Variants in RNF130 observed in about 807,000 individuals in gnomAD.
The protein encoded by RNF130 is ring finger protein 130.
In RNF130, 21 loss-of-function variants were observed where a neutral mutation model predicts 44.6. That is an observed-to-expected ratio of 0.47 (90% CI 0.33 to 0.68). RNF130 has a LOEUF of 0.68. RNF130 is among the 30% of genes least tolerant of loss of function. RNF130 has a pLI of 0.02. For missense variants in RNF130, 479 were observed against 560.6 expected, an observed-to-expected ratio of 0.85 and a Z score of 1.47; for synonymous variants, 214 against 210.4, an observed-to-expected ratio of 1.02 and a Z score of -0.15.
rs1762285245 is a variant in RNF130, at chr5:179,959,702, T to G, written c.1244+3769A>C. Reference sequence around the variant, plus strand: ...AAATAGAAACATCATTCTTTTTGTATAAATAAAGGAGTTTATATATATAAA... The same window carrying G: ...AAATAGAAACATCATTCTTTTTGTAGAAATAAAGGAGTTTATATATATAAA... On this transcript the variant is annotated intron_variant, in intron 8 of 8. Coordinates refer to ENST00000521389, the MANE Select transcript of RNF130 (RefSeq NM_018434.6). Among the ~76,000 whole-genome samples the G allele has an allele frequency of 2.0e-5, 3 of 152,096 alleles. No homozygotes were observed. The South Asian group carries it at 6.2e-4, about 32-fold the overall frequency.
intron 5 of RNF130, among the ~76,000 whole-genome samples, chr5:179,972,363 C>T (rs934948575): frequency 1.6e-4 from 25 of 152,198 alleles, no homozygotes; most frequent in African/African-American, 4.8e-4. Context: ...CGGACCTATG[C>T]ACTGGGTTAG....
rs1582162107 is a variant in RNF130 at position 179,983,171 on chromosome 5, A to C, written c.694-2971T>G. On this transcript the variant is annotated intron_variant, in intron 3 of 8. Transcript: ENST00000521389. ...TTTAATTTGATGAAGTCGATTAATC[A>C]TTTTTTCATTGGTAGACTGTGCTCT... Among the ~76,000 whole-genome samples the C allele has an allele frequency of 2.0e-5, 3 of 152,156 alleles. No individual in the cohort carries two copies. In the Middle Eastern group the frequency reaches 0.01, roughly 518 times the overall value.
intron 3 of RNF130, among the ~76,000 whole-genome samples, chr5:179,985,707 T>G (rs864138): frequency 0.64 from 97,730 of 151,978 alleles, 32,567 homozygotes; most frequent in African/African-American, 0.84. Context: ...TCCAGGCTGG[T>G]GTTTAGTAGC....
At chr5:180,025,982 T>C (rs1763975721) in intron 2 of RNF130, among the ~76,000 whole-genome samples, 1 of 152,184 alleles carries the variant, frequency 6.6e-6, no homozygotes, top group Admixed American at 6.5e-5. Flanking sequence ...GTATTCACAG[T>C]GAATTTTCTA....
At chr5:180,058,415 G>C (rs1764888049) in intron 1 of RNF130, among the ~76,000 whole-genome samples, 1 of 152,226 alleles carries the variant, frequency 6.6e-6, no homozygotes, top group Non-Finnish European at 1.5e-5. Flanking sequence ...AGATGAACCT[G>C]AGGACATATG....
At chr5:179,992,364 G>C (rs751116438) in intron 3 of RNF130, among the ~76,000 whole-genome samples, 7 of 152,022 alleles carry the variant, frequency 4.6e-5, no homozygotes, top group Admixed American at 3.9e-4. Context: ...GATGAGTCTC[G>C]ATCTCCTGAC....
At chr5:180,054,946 AACT>A (rs1362105827) in intron 1 of RNF130, among the ~76,000 whole-genome samples, 3 of 152,202 alleles carry the variant, frequency 2.0e-5, no homozygotes, top group African/African-American at 7.2e-5. Context: ...TGGCATATAG[AACT>A]ACAACTGACT....
rs578050199 is a variant in RNF130, at chr5:180,025,640, T to TA, written c.443-12330dup. Among the ~76,000 whole-genome samples the TA allele has an allele frequency of 1.6e-4, 25 of 152,240 alleles. No homozygotes were observed. In the East Asian group the frequency reaches 4.2e-3, roughly 26 times the overall value. On this transcript the variant is annotated intron_variant, in intron 2 of 8. Coordinates refer to ENST00000521389, the MANE Select transcript of RNF130 (RefSeq NM_018434.6). ...GATTTTGATAATTATGAATTTTTTTTAAAAAAATGTATGAACCAGATGGAA... is the reference window on the plus strand; with the variant it reads ...GATTTTGATAATTATGAATTTTTTTTAAAAAAAATGTATGAACCAGATGGAA...
At chr5:180,005,279 TTA>T (rs1378194152) in intron 3 of RNF130, among the ~76,000 whole-genome samples, 1 of 151,942 alleles carries the variant, frequency 6.6e-6, no homozygotes, top group East Asian at 1.9e-4. Flanking sequence ...AATACAAAAA[TTA>T]GTCGGGCCTG....
At chr5:179,959,788 A>G (rs989650229) in intron 8 of RNF130, among the ~76,000 whole-genome samples, 2 of 152,228 alleles carry the variant, frequency 1.3e-5, no homozygotes, top group Non-Finnish European at 2.9e-5. Flanking sequence ...ACCTGCTACA[A>G]GAAGCCAGGG....
chr5:179,992,258 C>G (rs577548489), intron 3 of RNF130, among the ~76,000 whole-genome samples: 1 of 152,198 alleles, frequency 6.6e-6, no homozygotes, highest in Non-Finnish European at 1.5e-5. Flanking sequence ...TCTCCTGCCT[C>G]AGCCTCCCGA....
intron 8 of RNF130, among the ~76,000 whole-genome samples, 185 bp downstream of exon 8, chr5:179,963,286 T>G (rs1762373712): frequency 6.6e-6 from 1 of 152,258 alleles, no homozygotes; most frequent in African/African-American, 2.4e-5. Context: ...ATAAGGTGAA[T>G]TCCCAATCTG....
rs1763589712 is a variant in RNF130, at chr5:180,011,221, T to G, written c.693+1840A>C. On this transcript the variant is annotated intron_variant, in intron 3 of 8. Coordinates refer to ENST00000521389, the MANE Select transcript of RNF130 (RefSeq NM_018434.6). ...AACCAAGTAAGAAGAGACAACTGAATGCAAAATCCAATGAGCTCCAATCAA... is the reference window on the plus strand; with the variant it reads ...AACCAAGTAAGAAGAGACAACTGAAGGCAAAATCCAATGAGCTCCAATCAA... Among the ~76,000 whole-genome samples, 3 of 152,144 alleles carry G rather than the reference T, an allele frequency of 2.0e-5. No homozygotes were observed. The South Asian group carries it at 6.2e-4, about 32-fold the overall frequency.
chr5:179,993,797 G>A (rs1470800293), intron 3 of RNF130, among the ~76,000 whole-genome samples: 1 of 152,134 alleles, frequency 6.6e-6, no homozygotes, highest in Non-Finnish European at 1.5e-5. Flanking sequence ...TGAAGTCCTT[G>A]CCCATGCCTA....
rs958474382 is a variant in RNF130, at chr5:179,955,264, C to G, written c.*390G>C. 5.2e-5 allele frequency: 9 copies of G among 172,308 alleles called. No individual in the cohort carries two copies. The highest frequency in any genetic ancestry group is 2.1e-4 in the African/African-American group (9 of 42,430). The allele number at this position is 172,308 out of a possible 1,614,324, so 10.7% of individuals were successfully genotyped here. A position where few individuals can be genotyped will look rare whatever the true frequency, so the allele number is the denominator to read the frequency against. On this transcript the variant is annotated 3_prime_UTR_variant, in exon 9 of 9. Coordinates refer to ENST00000521389, the MANE Select transcript of RNF130 (RefSeq NM_018434.6). ...AGAATGAGTAAATCAACTGACCATCCTAAGCGGCATCACCAGCAGGATGTC... is the reference window on the plus strand; with the variant it reads ...AGAATGAGTAAATCAACTGACCATCGTAAGCGGCATCACCAGCAGGATGTC...
intron 7 of RNF130, among the ~76,000 whole-genome samples, chr5:179,921,191 G>T (rs1301420271): frequency 6.6e-6 from 1 of 151,962 alleles, no homozygotes; most frequent in Non-Finnish European, 1.5e-5. Flanking sequence ...AGCTGTATAG[G>T]CCAGTGACAC....
rs753236451 is a variant in RNF130 at position 179,970,506 on chromosome 5, C to T, written c.849G>A (p.Lys283=). ...CCACGCAGGATTTGTGGAAAACATG[C>T]CTATAAAATAATGGAGAATTATGTC... ...QNDVVRILPC[K]HVFHKSCVDP... The change falls in exon 6 of 9, where the codon AAG becomes AAA. Residue 283 remains lysine (K), a splice_region_variant and synonymous_variant. Transcript: ENST00000521389. The T allele has an allele frequency of 6.2e-7, 1 of 1,605,068 alleles. No individual in the cohort carries two copies. The highest frequency in any genetic ancestry group is 1.1e-5 in the South Asian group (1 of 89,720).
At chr5:180,063,237 G>C (rs1765026752) in intron 1 of RNF130, among the ~76,000 whole-genome samples, 1 of 152,194 alleles carries the variant, frequency 6.6e-6, no homozygotes, top group African/African-American at 2.4e-5. Context: ...GAGAGACCAA[G>C]AAAAAGAGAG....
intron 7 of RNF130, among the ~76,000 whole-genome samples, chr5:179,926,297 G>C (rs532201432): frequency 2.0e-5 from 3 of 152,286 alleles, no homozygotes; most frequent in Admixed American, 1.3e-4. Flanking sequence ...ATTTTCTTTT[G>C]AATTTTCCTT....
Sources: allele counts gnomAD v4.1 joint callset (sites outside exome capture counted in the v4.1 genomes callset), GRCh38; gene constraint gnomAD v4.1.1; transcripts MANE v1.5; gene names NCBI Gene and HGNC (gene_info 2026-07-23, HGNC 2026-07-21).